SLC17A5: variants seen among roughly 807,000 people sequenced by gnomAD.
The protein encoded by SLC17A5 is sialin.
Under a neutral mutation model 59.4 loss-of-function variants are expected in SLC17A5, and 47 were observed. That is an observed-to-expected ratio of 0.79 (90% CI 0.63 to 1.01). The LOEUF is 1.01. Among genes scored for constraint, SLC17A5 ranks in the 50% least tolerant of loss-of-function variants. SLC17A5 has a pLI of 0.00. For missense variants in SLC17A5, 522 were observed against 595.5 expected (o/e 0.88, Z 1.28); for synonymous variants, 202 against 210.7 (o/e 0.96, Z 0.36).
chr6:73,619,239 A>G (rs888272499), intron 7 of SLC17A5, among the ~76,000 whole-genome samples: 1 of 152,192 alleles, frequency 6.6e-6, no homozygotes, highest in Non-Finnish European at 1.5e-5. Context: ...AAGTGAGCAC[A>G]TGCTGTTGGA....
rs573439155 is a variant in SLC17A5, at chr6:73,600,385, A to G, written c.1316T>C (p.Val439Ala). 27 of 1,614,162 alleles carry G rather than the reference A, an allele frequency of 1.7e-5. No individual in the cohort carries two copies. The African/African-American group carries it at 3.1e-4, about 18-fold the overall frequency. Residue 439 changes from valine to alanine, a missense_variant, in exon 10 of 11, where the codon GTT (valine) becomes GCT (alanine). Transcript: ENST00000355773. ...CAGACTTTTAGCAATGACGGGCCCAACCATTCCTGGAATAGTGGCAAATGT... is the reference window on the plus strand; with the variant it reads ...CAGACTTTTAGCAATGACGGGCCCAGCCATTCCTGGAATAGTGGCAAATGT... ...TNTFATIPGM[V>A]GPVIAKSLTP...
chr6:73,610,349 T>G (rs553797796), intron 9 of SLC17A5, 51 bp downstream of exon 9: 1 of 1,605,450 alleles, frequency 6.2e-7, no homozygotes, highest in East Asian at 2.2e-5. Context: ...TCAGGATTTT[T>G]AAAAATATAA....
chr6:73,610,586 C>A, intron 8 of SLC17A5, 39 bp from the exon 9 acceptor site: 1 of 1,608,518 alleles, frequency 6.2e-7, no homozygotes, highest in Non-Finnish European at 8.5e-7. Context: ...AAACACCCAG[C>A]ATTAATATTT....
chr6:73,643,383 A>G (rs2150119853), intron 2 of SLC17A5, among the ~76,000 whole-genome samples: 1 of 151,980 alleles, frequency 6.6e-6, no homozygotes, highest in African/African-American at 2.4e-5. Flanking sequence ...GATGGTCTTG[A>G]TCTCCTGACC....
rs970862065 is a variant in SLC17A5, at chr6:73,594,441, T to C, written c.*636A>G. The stretch of plus-strand genomic sequence containing the variant: ...CACTGCTCTTGCCTACTCAGGGCTT[T>C]ATCTACACATTGATAGCCCCTCAGA... On this transcript the variant is annotated 3_prime_UTR_variant, in exon 11 of 11. Coordinates refer to ENST00000355773, the MANE Select transcript of SLC17A5 (RefSeq NM_012434.5). 2 of 159,332 alleles carry C rather than the reference T, an allele frequency of 1.3e-5. No individual in the cohort carries two copies. Among genetic ancestry groups the C allele is most frequent in the African/African-American group, 4.8e-5 (2 of 41,456 alleles). 9.9% of individuals were successfully genotyped at this position (159,332 alleles called of 1,614,324 possible). A position where few individuals can be genotyped will look rare whatever the true frequency, so the allele number is the denominator to read the frequency against.
chr6:73,614,197 G>A (rs1767749185), intron 8 of SLC17A5, among the ~76,000 whole-genome samples: 1 of 152,126 alleles, frequency 6.6e-6, no homozygotes, highest in African/African-American at 2.4e-5. Flanking sequence ...GGCTGAGGAG[G>A]TTGAGGCTGC....
At chr6:73,606,916 C>G (rs1030916260) in intron 9 of SLC17A5, among the ~76,000 whole-genome samples, 1 of 152,220 alleles carries the variant, frequency 6.6e-6, no homozygotes, top group Non-Finnish European at 1.5e-5. Flanking sequence ...ATCAAATCTA[C>G]TATATTTTCT....
chr6:73,622,790 A>G (rs1768211831), intron 6 of SLC17A5, among the ~76,000 whole-genome samples: 1 of 152,166 alleles, frequency 6.6e-6, no homozygotes, highest in Admixed American at 6.6e-5. Flanking sequence ...AGCAGGGTAA[A>G]AGCACCATAG....
chr6:73,594,809 A>C lies in SLC17A5; in HGVS notation c.*268T>G, dbSNP rs1292402081. 2.2e-6 allele frequency: 1 copy of C among 457,208 alleles called. No individual in the cohort carries two copies. The highest frequency in any genetic ancestry group is 4.0e-6 in the Non-Finnish European group (1 of 250,746). The allele number at this position is 457,208 out of a possible 1,614,324, so 28.3% of individuals were successfully genotyped here. A position where few individuals can be genotyped will look rare whatever the true frequency, so the allele number is the denominator to read the frequency against. On this transcript the variant is annotated 3_prime_UTR_variant, in exon 11 of 11. Coordinates refer to ENST00000355773, the MANE Select transcript of SLC17A5 (RefSeq NM_012434.5). ...CCCTTTAGTATGGCCCTAAAAAATCAACAGAACTGTCCTACTTCATGTTGC... is the reference window on the plus strand; with the variant it reads ...CCCTTTAGTATGGCCCTAAAAAATCCACAGAACTGTCCTACTTCATGTTGC...
intron 7 of SLC17A5, among the ~76,000 whole-genome samples, chr6:73,617,064 A>AAG (rs964349099): frequency 7.3e-5 from 11 of 151,020 alleles, no homozygotes; most frequent in Non-Finnish European, 3.0e-5. Flanking sequence ...GCCGCGGAGG[A>AAG]AGAATCACTT....
chr6:73,631,598 C>A (rs993901009), intron 6 of SLC17A5, among the ~76,000 whole-genome samples: 1 of 151,914 alleles, frequency 6.6e-6, no homozygotes, highest in Non-Finnish European at 1.5e-5. Context: ...AACCAAGAAA[C>A]CCAACTTGTT....
chr6:73,595,933 CATATATATATATAT>C (rs1215120613), intron 10 of SLC17A5, among the ~76,000 whole-genome samples: 1 of 918 alleles, frequency 1.1e-3, no homozygotes, highest in Non-Finnish European at 2.0e-3. Flanking sequence ...TATACATATA[CATATATATATATAT>C]ACGTATATAT....
chr6:73,612,083 G>A (rs1046355376), intron 8 of SLC17A5, among the ~76,000 whole-genome samples: 15 of 152,270 alleles, frequency 9.9e-5, no homozygotes, highest in African/African-American at 3.6e-4. Context: ...CACAATCTGA[G>A]CTCACTGCAA....
chr6:73,644,975 A>T (rs532312523), intron 1 of SLC17A5, among the ~76,000 whole-genome samples: 1 of 152,338 alleles, frequency 6.6e-6, no homozygotes, highest in South Asian at 2.1e-4. Flanking sequence ...ACTATAAAAA[A>T]GTTCATTAAA....
intron 9 of SLC17A5, among the ~76,000 whole-genome samples, chr6:73,601,904 C>T (rs1275760022): frequency 6.6e-6 from 1 of 151,726 alleles, no homozygotes; most frequent in Non-Finnish European, 1.5e-5. Context: ...AGTGAGGAGC[C>T]CCTCTGCCCG....
chr6:73,608,773 C>T (rs541654976), intron 9 of SLC17A5, among the ~76,000 whole-genome samples: 23 of 152,256 alleles, frequency 1.5e-4, no homozygotes, highest in African/African-American at 5.1e-4. Flanking sequence ...CCTAGCACTT[C>T]GGGGGGCTGA....
chr6:73,647,747 A>T (rs1294201418), intron 1 of SLC17A5, among the ~76,000 whole-genome samples: 2 of 152,136 alleles, frequency 1.3e-5, no homozygotes, highest in Non-Finnish European at 2.9e-5. Flanking sequence ...GGCAACTTTA[A>T]CTTTTGGATG....
intron 10 of SLC17A5, among the ~76,000 whole-genome samples, chr6:73,597,474 A>G (rs2150073290): frequency 6.6e-6 from 1 of 150,664 alleles, no homozygotes; most frequent in East Asian, 2.0e-4. Flanking sequence ...CTCAAAAACA[A>G]AACAAAACAA....
At chr6:73,645,069 G>T (rs1279152261) in intron 1 of SLC17A5, among the ~76,000 whole-genome samples, 3 of 152,108 alleles carry the variant, frequency 2.0e-5, no homozygotes, top group Admixed American at 2.0e-4. Context: ...TTGTCAGCTG[G>T]CAAAGATATA....
Sources: gnomAD v4.1 joint callset for allele counts (sites outside exome capture counted in the v4.1 genomes callset) on GRCh38, gnomAD v4.1.1 for gene constraint, MANE v1.5 for transcripts, NCBI Gene and HGNC (gene_info 2026-07-23, HGNC 2026-07-21) for gene names.